Variants in TMEM204 observed in about 807,000 individuals in gnomAD.
The protein encoded by TMEM204 is transmembrane protein 204.
In TMEM204, 15 loss-of-function variants were observed where a neutral mutation model predicts 19.4. The observed-to-expected ratio is 0.77, with a 90% confidence interval of 0.52 to 1.19. TMEM204 has a LOEUF of 1.19. Ranked by LOEUF, TMEM204 falls within the 50% of genes most tolerant of loss-of-function variation. The pLI is 0.00. For missense variants in TMEM204, 287 were observed against 321.2 expected (o/e 0.89, Z 0.81); for synonymous variants, 161 against 146.0 (o/e 1.10, Z -0.74).
At chr16:1,549,567 G>T (rs2141368303) in intron 2 of TMEM204, among the ~76,000 whole-genome samples, 1 of 152,334 alleles carries the variant, frequency 6.6e-6, no homozygotes, top group East Asian at 1.9e-4. Context: ...CAGTAGCTGG[G>T]ATTACAGGTG....
intron 2 of TMEM204, among the ~76,000 whole-genome samples, chr16:1,542,732 C>T (rs781102091): frequency 1.9e-4 from 29 of 152,244 alleles, no homozygotes; most frequent in Non-Finnish European, 3.4e-4. Flanking sequence ...GGCTCGGACA[C>T]TGATGCAGAC....
At chr16:1,550,552 C>T (rs996023351) in intron 2 of TMEM204, among the ~76,000 whole-genome samples, 3 of 152,240 alleles carry the variant, frequency 2.0e-5, no homozygotes, top group Non-Finnish European at 2.9e-5. Context: ...AGGTGGGCCT[C>T]GAGGGACCCA....
chr16:1,545,209 C>T (rs1000523282), intron 2 of TMEM204, among the ~76,000 whole-genome samples: 8 of 152,064 alleles, frequency 5.3e-5, no homozygotes, highest in South Asian at 2.1e-4. Flanking sequence ...GGGATGGTGG[C>T]GGGGGCGGGA....
At chr16:1,531,868 C>G (rs2030533852), upstream of TMEM204, 1 of 152,250 alleles carries the variant, frequency 6.6e-6, no homozygotes, top group African/African-American at 2.4e-5. The surrounding 1 kb of genome is among the most constrained non-coding windows in gnomAD (Gnocchi z 4.7). Context: ...AGGAAAGGAC[C>G]AGAGCGGGCC....
At chr16:1,546,028 G>A (rs1284006686) in intron 2 of TMEM204, among the ~76,000 whole-genome samples, 1 of 152,240 alleles carries the variant, frequency 6.6e-6, no homozygotes, top group Non-Finnish European at 1.5e-5. Flanking sequence ...CAGACCCCTA[G>A]CTTCTCCCCT....
intron 1 of TMEM204, among the ~76,000 whole-genome samples, chr16:1,537,750 G>A (rs2031216563): frequency 6.6e-6 from 1 of 152,236 alleles, no homozygotes; most frequent in African/African-American, 2.4e-5. Flanking sequence ...CTGAAACAAG[G>A]TGGCTTGGGA....
intron 1 of TMEM204, among the ~76,000 whole-genome samples, chr16:1,539,059 C>T (rs1405830722): frequency 3.3e-5 from 5 of 152,044 alleles, no homozygotes; most frequent in African/African-American, 1.2e-4. Flanking sequence ...GGCCCCACGC[C>T]TCAGGCCTCA....
rs1290442516 is a variant in TMEM204, at chr16:1,553,943, GT to G, written c.437-838del. On this transcript the variant is annotated intron_variant, in intron 2 of 2. Transcript: ENST00000566264. This position sits in a 1 kb window ranked among gnomAD's most constrained non-coding sequence, Gnocchi z 4.4. Reference sequence around the variant, plus strand: ...TTTGGAGCTCCTCAAAGATAAAACTGTAAGTGAAACTGTAGCATCAGCGACT... The same window carrying G: ...TTTGGAGCTCCTCAAAGATAAAACTGAAGTGAAACTGTAGCATCAGCGACT... 1.2e-5 allele frequency: 15 copies of G among 1,286,464 alleles called. No individual in the cohort carries two copies. The highest frequency in any genetic ancestry group is 1.5e-5 in the African/African-American group (1 of 65,774). 79.7% of individuals were successfully genotyped at this position (1,286,464 alleles called of 1,614,324 possible).
intron 1 of TMEM204, chr16:1,541,584 C>T (rs763818870): frequency 7.3e-5 from 59 of 812,448 alleles, no homozygotes; most frequent in East Asian, 1.2e-4. Context: ...TCCACCCCCA[C>T]GCCAGCGCCT....
intron 2 of TMEM204, chr16:1,554,098 G>C: frequency 7.8e-7 from 1 of 1,287,176 alleles, no homozygotes; most frequent in Non-Finnish European, 1.0e-6. Context: ...GGAGGGTCTA[G>C]AACGAGAAGC....
At chr16:1,544,900 G>A (rs1317699771) in intron 2 of TMEM204, among the ~76,000 whole-genome samples, 57 of 151,824 alleles carry the variant, frequency 3.8e-4, no homozygotes, top group South Asian at 8.3e-4. Flanking sequence ...CGCCCGCCTC[G>A]GCCTCCCAAA....
At chr16:1,546,018 C>T (rs1338021511) in intron 2 of TMEM204, among the ~76,000 whole-genome samples, 1 of 152,260 alleles carries the variant, frequency 6.6e-6, no homozygotes, top group Admixed American at 6.5e-5. Flanking sequence ...GCTCACTCCA[C>T]AGACCCCTAG....
chr16:1,541,406 G>T (rs1044979504), intron 1 of TMEM204: 5 of 985,288 alleles, frequency 5.1e-6, no homozygotes, highest in Non-Finnish European at 6.0e-6. Flanking sequence ...CTGGGAGGAG[G>T]GAACACCACC....
chr16:1,544,055 T>C (rs1305499486), intron 2 of TMEM204, among the ~76,000 whole-genome samples: 1 of 151,634 alleles, frequency 6.6e-6, no homozygotes, highest in Admixed American at 6.6e-5. Context: ...TCTTGCTCTG[T>C]CACCCATGCT....
At chr16:1,540,788 C>G (rs148801753) in intron 1 of TMEM204, 1 of 972,438 alleles carries the variant, frequency 1.0e-6, no homozygotes, top group Non-Finnish European at 1.2e-6. Context: ...CTGTTTATAA[C>G]GACTTAGTTT....
At chr16:1,529,876 C>A (rs953866839), upstream of TMEM204, among the ~76,000 whole-genome samples, 1 of 152,138 alleles carries the variant, frequency 6.6e-6, no homozygotes, top group African/African-American at 2.4e-5. Flanking sequence ...AAATGATGCA[C>A]GTGGAGTGCA....
chr16:1,548,456 G>A (rs2032355808), intron 2 of TMEM204, among the ~76,000 whole-genome samples: 1 of 152,242 alleles, frequency 6.6e-6, no homozygotes, highest in South Asian at 2.1e-4. Context: ...CGGCTCACAG[G>A]AAGAGGTTGT....
chr16:1,537,868 C>T (rs905093550), intron 1 of TMEM204, among the ~76,000 whole-genome samples: 2 of 152,198 alleles, frequency 1.3e-5, no homozygotes, highest in Non-Finnish European at 2.9e-5. Flanking sequence ...TCCGTCACCA[C>T]GCATGCCCCG....
chr16:1,545,435 T>G (rs2032090166), intron 2 of TMEM204, among the ~76,000 whole-genome samples: 1 of 152,226 alleles, frequency 6.6e-6, no homozygotes, highest in African/African-American at 2.4e-5. Flanking sequence ...TTGGCCCTGT[T>G]TAGACTTGTT....
Sources: gnomAD v4.1 joint callset for allele counts (sites outside exome capture counted in the v4.1 genomes callset) on GRCh38, gnomAD v4.1.1 for gene constraint, Gnocchi (gnomAD v3.1) non-coding constraint, MANE v1.5 for transcripts, NCBI Gene and HGNC (gene_info 2026-07-23, HGNC 2026-07-21) for gene names.